The following WDR7 variants were observed in gnomAD, a reference collection of about 807,000 sequenced individuals.
The protein encoded by WDR7 is WD repeat domain 7, also known as WD repeat-containing protein 7.
A neutral mutation model predicts 169.4 loss-of-function variants in WDR7; 46 were observed. The observed-to-expected ratio is 0.27, with a 90% confidence interval of 0.21 to 0.35. WDR7 has a LOEUF of 0.35. Among genes scored for constraint, WDR7 ranks in the 10% least tolerant of loss-of-function variants. The probability of loss-of-function intolerance (pLI) is 1.00; values close to 1 mark genes in which losing one functional copy is unlikely to be tolerated. For synonymous variants in WDR7, 612 were observed against 666.8 expected (o/e 0.92, Z 1.27); for missense variants, 1,534 against 1,859.3 (o/e 0.83, Z 3.22).
At chr18:56,776,631 G>T in intron 16 of WDR7, 151 bp from the exon 17 acceptor site, 1 of 662,192 alleles carries the variant, frequency 1.5e-6, no homozygotes. Flanking sequence ...AATCTTTAAT[G>T]ATCATGCCTT....
chr18:56,700,473 T>C (rs2025803754), intron 12 of WDR7, among the ~76,000 whole-genome samples: 1 of 151,708 alleles, frequency 6.6e-6, no homozygotes. Context: ...GCCAGGATGG[T>C]CTCGATCTCT....
intron 20 of WDR7, among the ~76,000 whole-genome samples, chr18:56,874,287 G>A (rs543709869): frequency 6.6e-6 from 1 of 151,662 alleles, no homozygotes; most frequent in Non-Finnish European, 1.5e-5. Flanking sequence ...TTTCTTCTTA[G>A]TATGGTTACG....
chr18:56,860,851 G>C (rs1192881888), intron 20 of WDR7, among the ~76,000 whole-genome samples: 1 of 149,884 alleles, frequency 6.7e-6, no homozygotes, highest in Non-Finnish European at 1.5e-5. Context: ...TTTTTTTCAT[G>C]AACATTTACA....
At chr18:56,832,310 G>A (rs1223724198) in intron 20 of WDR7, among the ~76,000 whole-genome samples, 1 of 152,320 alleles carries the variant, frequency 6.6e-6, no homozygotes, top group East Asian at 1.9e-4. Context: ...TCTGGGCAGG[G>A]CATCTCTGAA....
intron 21 of WDR7, among the ~76,000 whole-genome samples, chr18:56,909,691 T>A (rs1228441383): frequency 6.6e-6 from 1 of 152,136 alleles, no homozygotes; most frequent in African/African-American, 2.4e-5. Flanking sequence ...CAGAAAAATA[T>A]ATTAATATTT....
chr18:56,983,179 C>T (rs766628430), intron 26 of WDR7, among the ~76,000 whole-genome samples: 1 of 152,168 alleles, frequency 6.6e-6, no homozygotes, highest in South Asian at 2.1e-4. Flanking sequence ...CTTTTCATTT[C>T]GGACTTGTCA....
intron 14 of WDR7, among the ~76,000 whole-genome samples, chr18:56,738,597 A>G (rs2026752720): frequency 2.0e-5 from 3 of 152,180 alleles, no homozygotes; most frequent in Non-Finnish European, 4.4e-5. Context: ...AGTCTCTCAC[A>G]TGATAACAGA....
intron 20 of WDR7, among the ~76,000 whole-genome samples, chr18:56,847,692 C>T (rs2045586963): frequency 6.6e-6 from 1 of 152,234 alleles, no homozygotes; most frequent in Admixed American, 6.5e-5. Flanking sequence ...AGCCTCATGA[C>T]AGTTCTCCCC....
intron 19 of WDR7, among the ~76,000 whole-genome samples, chr18:56,811,688 T>C (rs1160292142): frequency 6.6e-6 from 1 of 152,160 alleles, no homozygotes; most frequent in Non-Finnish European, 1.5e-5. Context: ...GGTTCATTTT[T>C]TTTGCTTATG....
At chr18:56,932,245 A>T (rs1176878731) in intron 22 of WDR7, among the ~76,000 whole-genome samples, 4 of 152,190 alleles carry the variant, frequency 2.6e-5, no homozygotes, top group Admixed American at 6.5e-5. Context: ...AGACTGCCAG[A>T]CACCAATGGA....
intron 25 of WDR7, among the ~76,000 whole-genome samples, chr18:56,945,318 A>G (rs1420965721): frequency 6.6e-6 from 1 of 152,026 alleles, no homozygotes; most frequent in African/African-American, 2.4e-5. Context: ...ACACTGTTCA[A>G]CTCTTCTATT....
intron 19 of WDR7, among the ~76,000 whole-genome samples, chr18:56,804,733 G>A (rs890307897): frequency 3.3e-5 from 5 of 152,190 alleles, no homozygotes; most frequent in Admixed American, 6.5e-5. Flanking sequence ...CAAAAACTGC[G>A]ACAGATCATC....
In WDR7 at chr18:56,758,933, T is replaced by A. The variant is rs2144954795; in HGVS notation, c.2828T>A (p.Val943Glu). 6.2e-7 allele frequency: 1 copy of A among 1,612,856 alleles called. No homozygotes were observed. Among genetic ancestry groups the A allele is most frequent in the East Asian group, 2.2e-5 (1 of 44,742 alleles). The change falls in exon 16 of 28, where the codon GTG (valine) becomes GAG (glutamate). Residue 943 changes from valine (V) to glutamate (E), a missense_variant. By Grantham distance (121) the Val-to-Glu change is moderately radical. Transcript: ENST00000254442. The stretch of plus-strand genomic sequence containing the variant: ...TCCCCTCCAACTTCCAGTAATATTG[T>A]GCAAGGACAGATTAAACAAGGTAAA... ...RGSPPTSSNI[V>E]QGQIKQVAAP...
chr18:56,824,999 G>C (rs1414580831), intron 20 of WDR7, among the ~76,000 whole-genome samples: 1 of 152,206 alleles, frequency 6.6e-6, no homozygotes, highest in East Asian at 1.9e-4. Flanking sequence ...TCTGTGGTCT[G>C]CCTTGGCTCT....
chr18:56,986,128 TTGTGTGTGTGTGTG>T lies in WDR7; in HGVS notation c.4164+23637_4164+23650del, dbSNP rs60449836. Among the ~76,000 whole-genome samples, 317 of 136,348 alleles carry T rather than the reference TTGTGTGTGTGTGTG, an allele frequency of 2.3e-3. 2 individuals carry two copies. Among genetic ancestry groups the T allele is most frequent in the African/African-American group, 6.4e-3 (233 of 36,584 alleles). 89.4% of individuals were successfully genotyped at this position (136,348 alleles called of 152,430 possible). A position where few individuals can be genotyped will look rare whatever the true frequency, so the allele number is the denominator to read the frequency against. On this transcript the variant is annotated intron_variant, in intron 26 of 27. Transcript: ENST00000254442. ...TATAATAGAGCTAATTTCAGCTTCTTTGTGTGTGTGTGTGTGTGTGTGTGTGTGTGTGTGTGTGT... is the reference window on the plus strand; with the variant it reads ...TATAATAGAGCTAATTTCAGCTTCTTTGTGTGTGTGTGTGTGTGTGTGTGT...
At chr18:56,715,351 C>T (rs2026168382) in intron 12 of WDR7, among the ~76,000 whole-genome samples, 1 of 152,146 alleles carries the variant, frequency 6.6e-6, no homozygotes, top group Admixed American at 6.5e-5. Flanking sequence ...GGCAAAACTT[C>T]ATATTGACTC....
chr18:56,990,773 G>A (rs1285179106), intron 26 of WDR7, among the ~76,000 whole-genome samples: 1 of 152,118 alleles, frequency 6.6e-6, no homozygotes, highest in Non-Finnish European at 1.5e-5. Flanking sequence ...TATTGCTCCA[G>A]CTTTTTCTCA....
chr18:56,827,446 A>G (rs1014134538), intron 20 of WDR7, among the ~76,000 whole-genome samples: 2 of 152,194 alleles, frequency 1.3e-5, no homozygotes, highest in Non-Finnish European at 2.9e-5. Context: ...TAAGGCAGGC[A>G]CAGAAAGACA....
chr18:56,730,356 T>C (rs2026555625), intron 13 of WDR7, among the ~76,000 whole-genome samples: 1 of 152,146 alleles, frequency 6.6e-6, no homozygotes, highest in Non-Finnish European at 1.5e-5. Flanking sequence ...CATTAAGAGC[T>C]TGAAAGGTGG....
Sources: allele counts gnomAD v4.1 joint callset (sites outside exome capture counted in the v4.1 genomes callset), GRCh38; gene constraint gnomAD v4.1.1; transcripts MANE v1.5; gene names NCBI Gene and HGNC (gene_info 2026-07-23, HGNC 2026-07-21).